Variants in PIGO observed in about 807,000 individuals in gnomAD.
PIGO encodes GPI ethanolamine phosphate transferase 3, catalytic subunit.
Under a neutral mutation model 86.9 loss-of-function variants are expected in PIGO, and 66 were observed. The observed-to-expected ratio is 0.76, with a 90% CI of 0.62 to 0.93. The LOEUF is 0.93. Among genes scored for constraint, PIGO ranks in the 40% least tolerant of loss-of-function variants. The probability of loss-of-function intolerance (pLI) is 0.00; values close to 1 mark genes in which losing one functional copy is unlikely to be tolerated. For synonymous variants in PIGO, 570 were observed against 556.4 expected (o/e 1.02, Z -0.34); for missense variants, 1,202 against 1,359.1 (o/e 0.88, Z 1.82).
At chr9:35,093,845 C>T (rs962612017) in intron 4 of PIGO, 56 bp downstream of exon 4, 2 of 1,595,552 alleles carry the variant, frequency 1.3e-6, no homozygotes, top group Middle Eastern at 3.4e-4. Flanking sequence ...AAGATAAGAG[C>T]TTCTTCGAGA....
chr9:35,095,500 G>A lies in PIGO; in HGVS notation c.66C>T (p.Ala22=), dbSNP rs1315191110. 5 of 1,611,048 alleles carry A rather than the reference G, an allele frequency of 3.1e-6. No homozygotes were observed. In the African/African-American group the frequency reaches 5.4e-5, roughly 17 times the overall value. ...WVCFLFYAGI[A]LFTSGFLLTR... is the part of the protein sequence containing the mutation. ...TGAGCAGGAAGCCACTGGTGAAGAG[G>A]GCAATGCCAGCGTAGAAGAGGAAGC... The change falls in exon 2 of 11, where the codon GCC becomes GCT. Residue 22 remains alanine (A), a synonymous_variant. Coordinates refer to ENST00000378617, the MANE Select transcript of PIGO (RefSeq NM_032634.4).
In PIGO at chr9:35,096,524, T is replaced by G. The variant is rs1829680433; in HGVS notation, c.-371A>C. On this transcript the variant is annotated 5_prime_UTR_variant, in exon 1 of 11. Transcript: ENST00000378617. ...CTCCCTTACTTCAGGGTGAGGGGAA[T>G]ACCGGGGGGTGAGGTTCTCGGGAGA... is the stretch of plus-strand genomic sequence containing the variant. 1 of 152,696 alleles carries G rather than the reference T, an allele frequency of 6.5e-6. No individual in the cohort carries two copies. Among genetic ancestry groups the G allele is most frequent in the Admixed American group, 6.5e-5 (1 of 15,310 alleles). The allele number at this position is 152,696 out of a possible 1,614,324, so 9.5% of individuals were successfully genotyped here. A position where few individuals can be genotyped will look rare whatever the true frequency, so the allele number is the denominator to read the frequency against.
In PIGO at chr9:35,095,344, C is replaced by G. The variant is rs202107154; in HGVS notation, c.222G>C (p.Leu74=). Residue 74 remains leucine, a synonymous_variant, in exon 2 of 11, where the codon CTG becomes CTC. Transcript: ENST00000378617. ...ASRFSRVVLV[L]IDALRFDFAQ... ...CGAAGTCAAATCGCAGAGCATCTAT[C>G]AGCACCAACACAACCCGCGAAAATC... 1 of 1,614,212 alleles carries G rather than the reference C, an allele frequency of 6.2e-7. No homozygotes were observed. Among genetic ancestry groups the G allele is most frequent in the East Asian group, 2.2e-5 (1 of 44,882 alleles).
At position 35,092,972 on chromosome 9, in the gene PIGO, A is replaced by G. The variant is rs1829502955; in HGVS notation, c.1119+58T>C. 15 of 1,547,468 alleles carry G rather than the reference A, an allele frequency of 9.7e-6. No homozygotes were observed. In the Admixed American group the frequency reaches 2.8e-4, roughly 29 times the overall value. ...TCAAAGGACAAAAGAGTGGTTCATT[A>G]TGCTTCTTTCATGCCCACCCTAGCT... On this transcript the variant is annotated intron_variant, in intron 6 of 10. Coordinates refer to ENST00000378617, the MANE Select transcript of PIGO (RefSeq NM_032634.4).
In PIGO at chr9:35,095,382, A is replaced by C; in HGVS notation, c.184T>G (p.Trp62Gly). The change falls in exon 2 of 11, where the codon TGG becomes GGG. Residue 62 changes from tryptophan to glycine, a missense_variant. Trp to Gly is a radical substitution (Grantham distance 184). Transcript: ENST00000378617. ...ACCCGCGAAAATCGGGAAGCCATCCAGCAGGCCCCAGGTTTCCCTTGGCTC... is the reference window on the plus strand; with the variant it reads ...ACCCGCGAAAATCGGGAAGCCATCCCGCAGGCCCCAGGTTTCCCTTGGCTC... ...WGSQGKPGACWMASRFSRVVL... is the reference protein window; with the variant it reads ...WGSQGKPGACGMASRFSRVVL... 1.9e-6 allele frequency: 3 copies of C among 1,614,220 alleles called. No homozygotes were observed. Among genetic ancestry groups the C allele is most frequent in the Non-Finnish European group, 2.5e-6 (3 of 1,180,036 alleles).
chr9:35,092,736 G>C lies in PIGO; in HGVS notation c.1151C>G (p.Ala384Gly), dbSNP rs745507962. ...VSRFLHTYSA[A>G]TQDLQAKELH... Reference sequence around the variant, plus strand: ...CTCCTTAGCTTGAAGGTCCTGAGTAGCAGCTGAGTAGGTATGAAGAAATCG... The same window carrying C: ...CTCCTTAGCTTGAAGGTCCTGAGTACCAGCTGAGTAGGTATGAAGAAATCG... The change falls in exon 7 of 11, where the codon GCT (alanine) becomes GGT (glycine). Residue 384 changes from alanine to glycine, a missense_variant. Coordinates refer to ENST00000378617, the MANE Select transcript of PIGO (RefSeq NM_032634.4). The C allele has an allele frequency of 6.2e-7, 1 of 1,612,240 alleles. No homozygotes were observed. The highest frequency in any genetic ancestry group is 8.5e-7 in the Non-Finnish European group (1 of 1,179,558).
Position 35,094,244 on chromosome 9 carries a change from A to G in PIGO, c.627T>C (p.Asn209=). 1.2e-6 allele frequency: 2 copies of G among 1,601,394 alleles called. No homozygotes were observed. ...FNVRDLDTVD[N]GILEHLYPTM... ...TGGGGTAGAGGTGTTCCAGGATGCC[A>G]TTGTCCACTGTGTCTAGGTCTCTGA... is the stretch of plus-strand genomic sequence containing the variant. Residue 209 remains asparagine, a synonymous_variant, in exon 3 of 11, where the codon AAT becomes AAC. Transcript: ENST00000378617.
Position 35,093,943 on chromosome 9 carries a change from G to A in PIGO, c.737C>T (p.Pro246Leu), listed in dbSNP as rs746364157. The A allele has an allele frequency of 6.2e-6, 10 of 1,614,016 alleles. No individual in the cohort carries two copies. Among genetic ancestry groups the A allele is most frequent in the African/African-American group, 1.3e-5 (1 of 74,914 alleles). ...HCGHKHGPHH[P>L]EMAKKLSQMD... ...CTGGCTAAGTTTCTTGGCCATTTCA[G>A]GGTGGTGAGGGCCATGCTTGTGGCC... is the stretch of plus-strand genomic sequence containing the variant. Residue 246 changes from proline (P) to leucine (L), a missense_variant, in exon 4 of 11, where the codon CCT becomes CTT. By Grantham distance (98) the Pro-to-Leu change is moderately conservative. Coordinates refer to ENST00000378617, the MANE Select transcript of PIGO (RefSeq NM_032634.4).
At position 35,095,447 on chromosome 9, in the gene PIGO, C is replaced by T. The variant is rs748583274; in HGVS notation, c.119G>A (p.Ser40Asn). The change falls in exon 2 of 11, where the codon AGC becomes AAC. Residue 40 changes from serine (S) to asparagine (N), a missense_variant. Ser to Asn is a conservative substitution (Grantham distance 46). Coordinates refer to ENST00000378617, the MANE Select transcript of PIGO (RefSeq NM_032634.4). ...CCCAGGGCCTGGGGGCTCTTGGCAG[C>T]TGCTATGGTTGGTGAGCTCCAAACG... The part of the protein sequence containing the change: ...LTRLELTNHS[S>N]CQEPPGPGSL... The T allele has an allele frequency of 1.9e-6, 3 of 1,613,998 alleles. No individual in the cohort carries two copies. Among genetic ancestry groups the T allele is most frequent in the East Asian group, 4.5e-5 (2 of 44,888 alleles).
chr9:35,092,023 G>T lies in PIGO; in HGVS notation c.1864C>A (p.Leu622Met), dbSNP rs149262338. 5.8e-5 allele frequency: 93 copies of T among 1,614,094 alleles called. 1 individual carries two copies. Among genetic ancestry groups the T allele is most frequent in the Non-Finnish European group, 7.5e-5 (89 of 1,180,048 alleles). ...NPPRHNGAYA[L>M]RLGIGLLLCT... ...AAAAGCAACCCAATTCCAAGCCTCA[G>T]GGCATATGCACCATTGTGCCGTGGG... The change falls in exon 7 of 11, where the codon CTG becomes ATG. Residue 622 changes from leucine to methionine, a missense_variant. Leu to Met is a conservative substitution (Grantham distance 15). Transcript: ENST00000378617.
At position 35,091,518 on chromosome 9, in the gene PIGO, T is replaced by C; in HGVS notation, c.2369A>G (p.Gln790Arg). 1.2e-6 allele frequency: 2 copies of C among 1,613,904 alleles called. No homozygotes were observed. The highest frequency in any genetic ancestry group is 1.7e-6 in the Non-Finnish European group (2 of 1,179,874). ...LTPFSGPPTS[Q>R]ADLDYVVPQI... The stretch of plus-strand genomic sequence containing the variant: ...AGGGACCACATAATCCAAGTCAGCT[T>C]GAGAAGTGGGGGGGCCTGAGAAGGG... The change falls in exon 7 of 11, where the codon CAA becomes CGA. Residue 790 changes from glutamine to arginine, a missense_variant. Gln to Arg is a conservative substitution (Grantham distance 43, BLOSUM62 1). Coordinates refer to ENST00000378617, the MANE Select transcript of PIGO (RefSeq NM_032634.4).
chr9:35,092,940 A>C, intron 6 of PIGO, 90 bp downstream of exon 6: 1 of 1,458,648 alleles, frequency 6.9e-7, no homozygotes, highest in Non-Finnish European at 9.3e-7. Context: ...GGTGGGACTA[A>C]GACTAGTCAA....
rs967839589 is a variant in PIGO at position 35,092,317 on chromosome 9, G to A, written c.1570C>T (p.Pro524Ser). Residue 524 changes from proline (P) to serine (S), a missense_variant, in exon 7 of 11, where the codon CCT becomes TCT. Pro to Ser is a moderately conservative substitution (Grantham distance 74). Coordinates refer to ENST00000378617, the MANE Select transcript of PIGO (RefSeq NM_032634.4). ...CCAGCCCAGGCTTTCCACAGAAAAG[G>A]GAGGAATGAGCTCACTGCAGCCACA... ...GAVAAVSSFL[P>S]FLWKAWAGWG... 1.2e-6 allele frequency: 2 copies of A among 1,614,246 alleles called. No individual in the cohort carries two copies. Among genetic ancestry groups the A allele is most frequent in the East Asian group, 4.5e-5 (2 of 44,888 alleles).
chr9:35,095,391 C>T lies in PIGO; in HGVS notation c.175G>A (p.Gly59Arg). The T allele has an allele frequency of 6.2e-7, 1 of 1,614,186 alleles. No individual in the cohort carries two copies. The highest frequency in any genetic ancestry group is 8.5e-7 in the Non-Finnish European group (1 of 1,180,026). ...SLPWGSQGKP[G>R]ACWMASRFSR... ...AATCGGGAAGCCATCCAGCAGGCCC[C>T]AGGTTTCCCTTGGCTCCCCCATGGC... Residue 59 changes from glycine (G) to arginine (R), a missense_variant, in exon 2 of 11, where the codon GGG becomes AGG. Coordinates refer to ENST00000378617, the MANE Select transcript of PIGO (RefSeq NM_032634.4).
chr9:35,091,702 G>C lies in PIGO; in HGVS notation c.2185C>G (p.Pro729Ala), dbSNP rs925153680. The change falls in exon 7 of 11, where the codon CCC (proline) becomes GCC (alanine). Residue 729 changes from proline to alanine, a missense_variant. Physicochemically the swap from Pro to Ala is conservative, Grantham distance 27 (BLOSUM62 -1). Transcript: ENST00000378617. ...WALASGADEA[P>A]PRLRVLVSGA... ...GAGACCAGGACCCGGAGACGGGGGGGAGCCTCATCTGCCCCCGACGCCAAT... is the reference window on the plus strand; with the variant it reads ...GAGACCAGGACCCGGAGACGGGGGGCAGCCTCATCTGCCCCCGACGCCAAT... 4.3e-6 allele frequency: 7 copies of C among 1,612,428 alleles called. No individual in the cohort carries two copies. The highest frequency in any genetic ancestry group is 5.1e-6 in the Non-Finnish European group (6 of 1,180,026).
Position 35,091,830 on chromosome 9 carries a change from AAGCGCACGGCAGCTAACAGGGCCACC to A in PIGO, c.2031_2056del (p.Leu680SerfsTer5). ...GAGATTACCATAGCGGCGAAGCCAC[AAGCGCACGGCAGCTAACAGGGCCACC>A]AGCGCCGCCACACAAGCTCCATACC... On this transcript the variant is annotated frameshift_variant, in exon 7 of 11. Transcript: ENST00000378617. LOFTEE classifies it high-confidence loss of function. The A allele has an allele frequency of 6.2e-7, 1 of 1,614,020 alleles. No homozygotes were observed.
Position 35,092,737 on chromosome 9 carries a change from C to G in PIGO, c.1150G>C (p.Ala384Pro), listed in dbSNP as rs1183743614. The G allele has an allele frequency of 6.2e-7, 1 of 1,612,000 alleles. No individual in the cohort carries two copies. Among genetic ancestry groups the G allele is most frequent in the South Asian group, 1.1e-5 (1 of 90,878 alleles). ...TCCTTAGCTTGAAGGTCCTGAGTAGCAGCTGAGTAGGTATGAAGAAATCGG... is the reference window on the plus strand; with the variant it reads ...TCCTTAGCTTGAAGGTCCTGAGTAGGAGCTGAGTAGGTATGAAGAAATCGG... ...VSRFLHTYSA[A>P]TQDLQAKELH... Residue 384 changes from alanine (A) to proline (P), a missense_variant, in exon 7 of 11, where the codon GCT becomes CCT. Ala to Pro is a conservative substitution (Grantham distance 27). Transcript: ENST00000378617.
chr9:35,091,632 G>T lies in PIGO; in HGVS notation c.2255C>A (p.Ala752Asp). 6.2e-7 allele frequency: 1 copy of T among 1,613,516 alleles called. No individual in the cohort carries two copies. The highest frequency in any genetic ancestry group is 1.1e-5 in the South Asian group (1 of 91,084). The change falls in exon 7 of 11, where the codon GCT becomes GAT. Residue 752 changes from alanine to aspartate, a missense_variant. Coordinates refer to ENST00000378617, the MANE Select transcript of PIGO (RefSeq NM_032634.4). ...CCAGAGCAGCAGCGCGAGCCCTGAA[G>T]CAGCCAGCCCTGCTACAGCCCGAGG... ...VLPRAVAGLA[A>D]SGLALLLWKP...
Position 35,092,297 on chromosome 9 carries a change from C to T in PIGO, c.1590G>A (p.Trp530Ter), listed in dbSNP as rs1829461642. The T allele has an allele frequency of 6.2e-7, 1 of 1,614,220 alleles. No homozygotes were observed. Among genetic ancestry groups the T allele is most frequent in the East Asian group, 2.2e-5 (1 of 44,874 alleles). Residue 530 changes from tryptophan to a stop codon, truncating the protein, a stop_gained, in exon 7 of 11, where the codon TGG (tryptophan) becomes TGA (stop). Coordinates refer to ENST00000378617, the MANE Select transcript of PIGO (RefSeq NM_032634.4). LOFTEE classifies it high-confidence loss of function. Reference protein sequence around the residue: ...SSFLPFLWKAWAGWGSKRPLA... With the variant: ...SSFLPFLWKA ...GGGGCCTCTTGGACCCCCAGCCAGC[C>T]CAGGCTTTCCACAGAAAAGGGAGGA...
Sources: allele counts gnomAD v4.1 joint callset, GRCh38; gene constraint gnomAD v4.1.1; transcripts MANE v1.5; gene names NCBI Gene and HGNC (gene_info 2026-07-23, HGNC 2026-07-21).